The following STPG1 variants were observed in gnomAD, a reference collection of about 807,000 sequenced individuals.
STPG1 encodes sperm tail PG-rich repeat containing 1.
In STPG1, 33 loss-of-function variants were observed where a neutral mutation model predicts 40.1. That is an observed-to-expected ratio of 0.82 (90% CI 0.62 to 1.10). The LOEUF (loss-of-function observed/expected upper bound fraction) is 1.10. Among genes scored for constraint, STPG1 ranks in the 50% least tolerant of loss-of-function variants. The pLI, the probability that STPG1 is intolerant of heterozygous loss-of-function variation, is 0.00. For missense variants in STPG1, 396 were observed against 415.1 expected, an observed-to-expected ratio of 0.95 and a Z score of 0.40; for synonymous variants, 150 against 155.0, an observed-to-expected ratio of 0.97 and a Z score of 0.24.
chr1:24,388,140 C>T (rs950274564), intron 3 of STPG1, among the ~76,000 whole-genome samples: 2 of 152,164 alleles, frequency 1.3e-5, no homozygotes, highest in African/African-American at 4.8e-5. Flanking sequence ...ATGAAATACT[C>T]ATTCCTGGCA....
At chr1:24,396,270 GCTATCTATCTATCTAT>G (rs369677161) in intron 2 of STPG1, among the ~76,000 whole-genome samples, 2 of 127,606 alleles carry the variant, frequency 1.6e-5, no homozygotes, top group Non-Finnish European at 3.3e-5. Flanking sequence ...TCCATCTATA[GCTATCTATCTATCTAT>G]CTATCTATCT....
intron 7 of STPG1, among the ~76,000 whole-genome samples, chr1:24,362,980 C>G (rs1156423110): frequency 1.3e-5 from 2 of 152,178 alleles, no homozygotes; most frequent in African/African-American, 4.8e-5. Flanking sequence ...TGTGGCTCCC[C>G]CTTCAAAACA....
chr1:24,414,906 C>T (rs1327299873), upstream of STPG1: 2 of 152,246 alleles, frequency 1.3e-5, no homozygotes, highest in Non-Finnish European at 2.9e-5. Context: ...AGAAAAATCT[C>T]TCACCAGCCC....
intron 4 of STPG1, 63 bp from the exon 5 acceptor site, chr1:24,379,886 T>C (rs1481020160): frequency 1.3e-6 from 2 of 1,535,068 alleles, no homozygotes; most frequent in Non-Finnish European, 1.8e-6. Context: ...GAAGGACAGA[T>C]GTCAAAAAGA....
At position 24,373,769 on chromosome 1, in the gene STPG1, A is replaced by G; in HGVS notation, c.504T>C (p.Thr168=). 3 of 1,612,104 alleles carry G rather than the reference A, an allele frequency of 1.9e-6. No homozygotes were observed. The highest frequency in any genetic ancestry group is 2.5e-6 in the Non-Finnish European group (3 of 1,178,188). ...SCCKQRNNVC[T]RAGFMSKTQR... is the part of the protein sequence containing the mutation. ...GGGTTTTTGACATAAACCCGGCTCG[A>G]GTACAGACGTTGTTTCTCTGCTTGC... The change falls in exon 6 of 9, where the codon ACT becomes ACC. Residue 168 remains threonine, a synonymous_variant. Coordinates refer to ENST00000337248, the MANE Select transcript of STPG1 (RefSeq NM_001199013.2).
chr1:24,388,482 T>C (rs1023815577), intron 3 of STPG1, among the ~76,000 whole-genome samples: 6 of 152,236 alleles, frequency 3.9e-5, no homozygotes, highest in Non-Finnish European at 1.5e-5. Context: ...TTCACTGTAC[T>C]CTGCAGTAAG....
rs897356067 is a variant in STPG1 at position 24,358,508 on chromosome 1, G to A, written c.*35C>T. On this transcript the variant is annotated 3_prime_UTR_variant, in exon 9 of 9. Coordinates refer to ENST00000337248, the MANE Select transcript of STPG1 (RefSeq NM_001199013.2). ...TGGGGACGCTGGGCAGGGTGGGCTG[G>A]TGGCTGGAGTTCTCCTTGACCTTGT... is the stretch of plus-strand genomic sequence containing the variant. 13 of 1,560,030 alleles carry A rather than the reference G, an allele frequency of 8.3e-6. No individual in the cohort carries two copies. Among genetic ancestry groups the A allele is most frequent in the Non-Finnish European group, 1.1e-5 (13 of 1,130,818 alleles).
chr1:24,361,048 G>A lies in STPG1; in HGVS notation c.738-7C>T. The A allele has an allele frequency of 6.2e-7, 1 of 1,600,686 alleles. No homozygotes were observed. On this transcript the variant is annotated splice_polypyrimidine_tract_variant and splice_region_variant and intron_variant, in intron 7 of 8. Coordinates refer to ENST00000337248, the MANE Select transcript of STPG1 (RefSeq NM_001199013.2). ...GTTCAGGATGGGGTTTTTCCTTTGG[G>A]AAAGATAAAACGGGAAGATGTCACT...
chr1:24,398,862 T>C (rs112525833), intron 2 of STPG1, among the ~76,000 whole-genome samples: 320 of 152,232 alleles, frequency 2.1e-3, no homozygotes, highest in Middle Eastern at 3.4e-3. Context: ...GATCTATACA[T>C]GGATTAGAGA....
intron 1 of STPG1, among the ~76,000 whole-genome samples, 171 bp downstream of exon 1, chr1:24,413,503 C>T (rs149585888): frequency 7.2e-4 from 109 of 152,390 alleles, no homozygotes; most frequent in Middle Eastern, 6.8e-3. Context: ...GGGGCAACTC[C>T]CATGGTGGCT....
chr1:24,373,867 C>T lies in STPG1; in HGVS notation c.463-57G>A, dbSNP rs937984818. 38 of 1,280,050 alleles carry T rather than the reference C, an allele frequency of 3.0e-5. No individual in the cohort carries two copies. The African/African-American group carries it at 3.7e-4, about 12-fold the overall frequency. The allele number at this position is 1,280,050 out of a possible 1,614,324, so 79.3% of individuals were successfully genotyped here. A position where few individuals can be genotyped will look rare whatever the true frequency, so the allele number is the denominator to read the frequency against. ...GTACCTTTCCTTTCTTTGTCTTCGT[C>T]ATCATGCCTGGACAAGTGGCAAATC... is the stretch of plus-strand genomic sequence containing the variant. On this transcript the variant is annotated intron_variant, in intron 5 of 8. Coordinates refer to ENST00000337248, the MANE Select transcript of STPG1 (RefSeq NM_001199013.2).
At chr1:24,393,990 G>C (rs1373479880) in intron 2 of STPG1, among the ~76,000 whole-genome samples, 2 of 152,212 alleles carry the variant, frequency 1.3e-5, no homozygotes, top group African/African-American at 4.8e-5. Flanking sequence ...TAAGTTCACA[G>C]AGCAGAGTAC....
intron 7 of STPG1, among the ~76,000 whole-genome samples, chr1:24,361,719 T>C (rs938243158): frequency 2.0e-5 from 3 of 152,142 alleles, no homozygotes; most frequent in Admixed American, 6.6e-5. Flanking sequence ...TTCAAGTCTG[T>C]CTTCCCCTCC....
intron 7 of STPG1, among the ~76,000 whole-genome samples, chr1:24,366,823 A>G (rs1641492835): frequency 6.6e-6 from 1 of 152,184 alleles, no homozygotes; most frequent in Non-Finnish European, 1.5e-5. Context: ...CGTGCTATAG[A>G]GCCTGGGGCA....
chr1:24,368,924 C>T (rs1190400554), intron 7 of STPG1: 3 of 168,140 alleles, frequency 1.8e-5, no homozygotes, highest in Non-Finnish European at 3.9e-5. Flanking sequence ...AGACTGGTCT[C>T]GAACACCTGA....
chr1:24,402,116 T>C (rs1643250028), intron 1 of STPG1, among the ~76,000 whole-genome samples: 1 of 152,240 alleles, frequency 6.6e-6, no homozygotes, highest in Non-Finnish European at 1.5e-5. Flanking sequence ...AATTAAGATA[T>C]TAATTTATCT....
intron 2 of STPG1, 90 bp from the exon 3 acceptor site, chr1:24,391,769 T>C (rs1642782193): frequency 8.3e-7 from 1 of 1,198,994 alleles, no homozygotes; most frequent in Non-Finnish European, 1.1e-6. Flanking sequence ...TAAAGTTTTA[T>C]TTTAAATGGT....
At chr1:24,400,964 T>C (rs1199335367) in intron 2 of STPG1, 1 of 194,208 alleles carries the variant, frequency 5.1e-6, no homozygotes, top group African/African-American at 2.3e-5. Context: ...CCCAGCAGAA[T>C]GGGGACTTGC....
chr1:24,361,052 G>C lies in STPG1; in HGVS notation c.738-11C>G. The C allele has an allele frequency of 6.3e-7, 1 of 1,598,032 alleles. No homozygotes were observed. Among genetic ancestry groups the C allele is most frequent in the Non-Finnish European group, 8.5e-7 (1 of 1,171,294 alleles). On this transcript the variant is annotated splice_polypyrimidine_tract_variant and intron_variant, in intron 7 of 8. Transcript: ENST00000337248. ...AGGATGGGGTTTTTCCTTTGGGAAA[G>C]ATAAAACGGGAAGATGTCACTAAGG...
Sources: allele counts gnomAD v4.1 joint callset (sites outside exome capture counted in the v4.1 genomes callset), GRCh38; gene constraint gnomAD v4.1.1; transcripts MANE v1.5; gene names NCBI Gene and HGNC (gene_info 2026-07-23, HGNC 2026-07-21).